The following CSMD1 variants were observed in gnomAD, a reference collection of about 807,000 sequenced individuals.
CSMD1 encodes CUB and Sushi multiple domains 1.
Under a neutral mutation model 417.5 loss-of-function variants are expected in CSMD1, and 213 were observed. The ratio of observed to expected loss-of-function variants is 0.51; its 90% CI spans 0.46 to 0.57. CSMD1 has a LOEUF of 0.57. Ranked by LOEUF, CSMD1 falls within the 20% of genes least tolerant of loss-of-function variation. CSMD1 has a pLI of 0.00. For synonymous variants in CSMD1, 2,862 were observed against 1,736.8 expected (o/e 1.65, Z -16.11); for missense variants, 6,923 against 4,529.7 (o/e 1.53, Z -15.17).
At chr8:3,892,709 A>G (rs1006997739) in intron 5 of CSMD1, among the ~76,000 whole-genome samples, 5 of 130,926 alleles carry the variant, frequency 3.8e-5, no homozygotes, top group Non-Finnish European at 6.3e-5. Context: ...GAGTACATTT[A>G]GGCAGGTTTT....
intron 1 of CSMD1, among the ~76,000 whole-genome samples, chr8:4,988,799 C>T (rs1223026602): frequency 1.3e-5 from 2 of 152,242 alleles, no homozygotes; most frequent in Non-Finnish European, 2.9e-5. Context: ...GTTTCACACT[C>T]TGCATCCAAA....
intron 5 of CSMD1, among the ~76,000 whole-genome samples, chr8:3,940,533 G>GTGTGTGTA (rs1468450498): frequency 4.3e-5 from 6 of 140,310 alleles, no homozygotes; most frequent in African/African-American, 1.4e-4. Flanking sequence ...GTGTGTGTGT[G>GTGTGTGTA]TGTATGTATG....
intron 4 of CSMD1, among the ~76,000 whole-genome samples, chr8:4,013,372 C>A (rs748979188): frequency 6.6e-6 from 1 of 152,228 alleles, no homozygotes; most frequent in Non-Finnish European, 1.5e-5. Context: ...CTGTCAGAAC[C>A]ACATTTCTGA....
At chr8:3,535,936 AG>A (rs1798178541) in intron 10 of CSMD1, among the ~76,000 whole-genome samples, 1 of 152,144 alleles carries the variant, frequency 6.6e-6, no homozygotes, top group South Asian at 2.1e-4. Context: ...TAGCAGGAGA[AG>A]CCCCCACCAG....
At chr8:3,882,325 A>G (rs1487102466) in intron 5 of CSMD1, among the ~76,000 whole-genome samples, 2 of 152,246 alleles carry the variant, frequency 1.3e-5, no homozygotes, top group Admixed American at 1.3e-4. Flanking sequence ...CAGTCAGATA[A>G]ATTCAAATAA....
intron 6 of CSMD1, among the ~76,000 whole-genome samples, chr8:3,743,615 G>C (rs12549613): frequency 0.076 from 11,542 of 152,138 alleles, 498 homozygotes; most frequent in East Asian, 0.13. Flanking sequence ...ACTAGGTCTC[G>C]AAAACCTTCC....
chr8:4,652,095 T>G (rs897526228), intron 1 of CSMD1, among the ~76,000 whole-genome samples: 1 of 152,166 alleles, frequency 6.6e-6, no homozygotes, highest in Non-Finnish European at 1.5e-5. Flanking sequence ...AACACAATTT[T>G]TTTCCAATTA....
intron 12 of CSMD1, among the ~76,000 whole-genome samples, chr8:3,443,911 T>C (rs1815146217): frequency 6.6e-6 from 1 of 152,178 alleles, no homozygotes; most frequent in African/African-American, 2.4e-5. Flanking sequence ...AACTGAGAAA[T>C]TATGAGATAT....
chr8:4,898,305 C>T (rs1357569980), intron 1 of CSMD1, among the ~76,000 whole-genome samples: 1 of 152,098 alleles, frequency 6.6e-6, no homozygotes, highest in African/African-American at 2.4e-5. Context: ...TTTTCCAAGA[C>T]ACCTGTCATC....
intron 1 of CSMD1, among the ~76,000 whole-genome samples, chr8:4,943,771 C>A (rs1275908707): frequency 6.6e-6 from 1 of 152,050 alleles, no homozygotes; most frequent in East Asian, 1.9e-4. Context: ...AGTTACTTTC[C>A]CTGAAAATTG....
chr8:2,999,408 C>T (rs189546546), intron 53 of CSMD1, among the ~76,000 whole-genome samples: 2 of 152,288 alleles, frequency 1.3e-5, no homozygotes, highest in Admixed American at 1.3e-4. Context: ...CCTGCCTCAG[C>T]CTCCCAAAGT....
intron 2 of CSMD1, among the ~76,000 whole-genome samples, chr8:4,578,810 C>A (rs1306146676): frequency 8.2e-6 from 1 of 121,620 alleles, no homozygotes; most frequent in Non-Finnish European, 1.6e-5. Flanking sequence ...ATAGACTCCA[C>A]CTCAAAAAAA....
At chr8:4,913,676 C>G (rs1305753090) in intron 1 of CSMD1, among the ~76,000 whole-genome samples, 3 of 152,134 alleles carry the variant, frequency 2.0e-5, no homozygotes, top group Non-Finnish European at 4.4e-5. Flanking sequence ...GATTAGAATT[C>G]CATCTTCATG....
chr8:3,689,851 G>A (rs1414746381), intron 7 of CSMD1, among the ~76,000 whole-genome samples: 7 of 152,162 alleles, frequency 4.6e-5, no homozygotes, highest in Admixed American at 4.6e-4. Context: ...AAGAACATGA[G>A]CTTTAAATCA....
intron 5 of CSMD1, among the ~76,000 whole-genome samples, chr8:3,805,949 G>A (rs10102521): frequency 6.6e-6 from 1 of 151,786 alleles, no homozygotes; most frequent in Non-Finnish European, 1.5e-5. Context: ...GCTCTTGAAA[G>A]GCTCCTTCTT....
rs180708057 is a variant in CSMD1 at position 3,474,996 on chromosome 8, C to A, written c.1449-6172G>T. Among the ~76,000 whole-genome samples the A allele has an allele frequency of 1.5e-4, 23 of 152,260 alleles. No homozygotes were observed. The East Asian group carries it at 4.1e-3, about 27-fold the overall frequency. ...CAAGCCCTGCAGTGTAAAACTCTGT[C>A]ATCTCCCAGGCGTGTTCAGCTCCAG... On this transcript the variant is annotated intron_variant, in intron 11 of 69. Coordinates refer to ENST00000635120, the MANE Select transcript of CSMD1 (RefSeq NM_033225.6).
intron 37 of CSMD1, among the ~76,000 whole-genome samples, chr8:3,170,364 T>C (rs913272584): frequency 5.3e-5 from 8 of 152,236 alleles, no homozygotes; most frequent in East Asian, 3.9e-4. Flanking sequence ...CCTACCACCA[T>C]ACCTGGCTAA....
chr8:4,240,432 G>A (rs1802325895), intron 3 of CSMD1, among the ~76,000 whole-genome samples: 2 of 152,196 alleles, frequency 1.3e-5, no homozygotes, highest in East Asian at 3.9e-4. Context: ...TAGACTTCAA[G>A]ATTCACTTGT....
intron 2 of CSMD1, among the ~76,000 whole-genome samples, chr8:4,637,005 A>T (rs1048646824): frequency 6.6e-6 from 1 of 152,152 alleles, no homozygotes. Context: ...GGACTGAAAA[A>T]AGGGCATTCC....
Sources: allele counts gnomAD v4.1 joint callset (sites outside exome capture counted in the v4.1 genomes callset), GRCh38; gene constraint gnomAD v4.1.1; transcripts MANE v1.5; gene names NCBI Gene and HGNC (gene_info 2026-07-23, HGNC 2026-07-21).